NSF: variants seen among roughly 807,000 people sequenced by gnomAD.
The protein encoded by NSF is N-ethylmaleimide sensitive factor, vesicle fusing ATPase.
Under a neutral mutation model 50.3 loss-of-function variants are expected in NSF, and 14 were observed. That is an observed-to-expected ratio of 0.28 (90% CI 0.18 to 0.44). NSF has a LOEUF of 0.44. Ranked by LOEUF, NSF falls within the 20% of genes least tolerant of loss-of-function variation. The probability of loss-of-function intolerance (pLI) is 1.00; values close to 1 mark genes in which losing one functional copy is unlikely to be tolerated. For missense variants in NSF, 218 were observed against 504.3 expected (o/e 0.43, Z 5.44); for synonymous variants, 109 against 175.7 (o/e 0.62, Z 3.00).
intron 16 of NSF, 53 bp from the exon 17 acceptor site, chr17:46,728,802 G>T (rs1387881676): frequency 3.3e-5 from 35 of 1,062,286 alleles, no homozygotes; most frequent in Non-Finnish European, 3.6e-5. Flanking sequence ...CTGAATGTTT[G>T]GAATATGTAC....
At chr17:46,724,552 T>C (rs1003105143) in intron 15 of NSF, among the ~76,000 whole-genome samples, 1 of 152,184 alleles carries the variant, frequency 6.6e-6, no homozygotes, top group Admixed American at 6.5e-5. Context: ...CCCATAGTTA[T>C]GCCTAACTTC....
chr17:46,707,335 A>T (rs2146252842), intron 13 of NSF, among the ~76,000 whole-genome samples: 1 of 152,316 alleles, frequency 6.6e-6, no homozygotes, highest in African/African-American at 2.4e-5. Flanking sequence ...TTTGATTGAT[A>T]CAAGTTCTTT....
At chr17:46,696,411 G>T (rs2058595484) in intron 12 of NSF, among the ~76,000 whole-genome samples, 1 of 140,638 alleles carries the variant, frequency 7.1e-6, no homozygotes, top group Non-Finnish European at 1.5e-5. Context: ...GCAAGAGAGT[G>T]AACTCATGTC....
chr17:46,757,268 G>C lies in NSF; in HGVS notation c.*1445G>C, dbSNP rs959893401. 1.3e-5 allele frequency: 2 copies of C among 152,526 alleles called. No individual in the cohort carries two copies. The highest frequency in any genetic ancestry group is 6.5e-5 in the Admixed American group (1 of 15,286). 9.4% of individuals were successfully genotyped at this position (152,526 alleles called of 1,614,324 possible). On this transcript the variant is annotated 3_prime_UTR_variant, in exon 21 of 21. Coordinates refer to ENST00000398238, the MANE Select transcript of NSF (RefSeq NM_006178.4). Reference sequence around the variant, plus strand: ...GAAGTGGATTGTATTGTGAGATCCTGTGATTCCTGGTGGCCAGTATCCTGG... The same window carrying C: ...GAAGTGGATTGTATTGTGAGATCCTCTGATTCCTGGTGGCCAGTATCCTGG...
intron 19 of NSF, among the ~76,000 whole-genome samples, chr17:46,753,432 A>G (rs1353450706): frequency 1.3e-5 from 2 of 152,202 alleles, no homozygotes; most frequent in Non-Finnish European, 2.9e-5. Flanking sequence ...CAGATGGACT[A>G]TTTTTAAGTC....
At chr17:46,722,273 T>A in intron 15 of NSF, 1 of 930,912 alleles carries the variant, frequency 1.1e-6, no homozygotes, top group Non-Finnish European at 1.7e-6. Flanking sequence ...GGGGGGAGTC[T>A]GTAAGATACG....
chr17:46,625,303 A>G (rs1228436915), intron 2 of NSF, among the ~76,000 whole-genome samples: 1 of 116,902 alleles, frequency 8.6e-6, no homozygotes, highest in African/African-American at 3.6e-5. Context: ...TGCCATCCAT[A>G]TGCTTCTGAG....
intron 1 of NSF, among the ~76,000 whole-genome samples, chr17:46,605,780 A>G (rs558876165): frequency 9.9e-4 from 74 of 74,398 alleles, no homozygotes; most frequent in Admixed American, 5.0e-3. Context: ...TGAAGAGTAA[A>G]GAATAATGGT....
intron 17 of NSF, among the ~76,000 whole-genome samples, chr17:46,729,538 G>A (rs1387025314): frequency 7.7e-5 from 1 of 13,050 alleles, no homozygotes; most frequent in African/African-American, 1.3e-4. Context: ...ACCTATGAAG[G>A]TTGGTTAAAT....
chr17:46,752,540 T>C lies in NSF; in HGVS notation c.2157+924T>C, dbSNP rs575408654. On this transcript the variant is annotated intron_variant, in intron 19 of 20. Coordinates refer to ENST00000398238, the MANE Select transcript of NSF (RefSeq NM_006178.4). ...CCATGATCATGGCTTACTGCAGTTT[T>C]GACCTCGCAGGCTCAGGCGTTCCTC... Among the ~76,000 whole-genome samples, 9 of 152,274 alleles carry C rather than the reference T, an allele frequency of 5.9e-5. No individual in the cohort carries two copies. The East Asian group carries it at 1.5e-3, about 26-fold the overall frequency.
At chr17:46,735,443 C>T (rs1359560650) in intron 17 of NSF, among the ~76,000 whole-genome samples, 2 of 151,274 alleles carry the variant, frequency 1.3e-5, no homozygotes, top group African/African-American at 4.9e-5. Flanking sequence ...GTAGAACTTA[C>T]TCTTTGTATT....
At chr17:46,739,314 C>T (rs1033774935) in intron 17 of NSF, among the ~76,000 whole-genome samples, 9 of 137,646 alleles carry the variant, frequency 6.5e-5, no homozygotes, top group Admixed American at 2.5e-4. Context: ...GAGGTTGCAG[C>T]GAGCCGAGAT....
At chr17:46,662,618 ACTT>A (rs2146190404) in intron 8 of NSF, among the ~76,000 whole-genome samples, 1 of 133,136 alleles carries the variant, frequency 7.5e-6, no homozygotes, top group South Asian at 2.3e-4. Context: ...GCATGATACT[ACTT>A]CTTTATGAAC....
chr17:46,712,616 G>A (rs1363788106), intron 14 of NSF, among the ~76,000 whole-genome samples: 1 of 152,228 alleles, frequency 6.6e-6, no homozygotes, highest in Non-Finnish European at 1.5e-5. Context: ...TGTTGGATAT[G>A]TGGGTCTGGC....
chr17:46,742,473 T>C (rs755462237), intron 17 of NSF, among the ~76,000 whole-genome samples: 15 of 152,238 alleles, frequency 9.9e-5, no homozygotes, highest in Non-Finnish European at 2.1e-4. Flanking sequence ...ACTTAAGTCC[T>C]GTCCTGATGA....
At chr17:46,707,905 C>T (rs1443111607) in intron 13 of NSF, among the ~76,000 whole-genome samples, 2 of 152,028 alleles carry the variant, frequency 1.3e-5, no homozygotes, top group South Asian at 4.2e-4. Flanking sequence ...TGGTGGCACA[C>T]ACCTGTAATC....
At chr17:46,740,048 C>T (rs1222167275) in intron 17 of NSF, among the ~76,000 whole-genome samples, 1 of 152,148 alleles carries the variant, frequency 6.6e-6, no homozygotes, top group African/African-American at 2.4e-5. Flanking sequence ...AGGCCCTGGG[C>T]ACTGTGTCTA....
At chr17:46,711,814 CCA>C (rs2058722410) in intron 14 of NSF, among the ~76,000 whole-genome samples, 1 of 152,116 alleles carries the variant, frequency 6.6e-6, no homozygotes, top group Non-Finnish European at 1.5e-5. Flanking sequence ...CATGACTTGA[CCA>C]ATGAGGAGAC....
At chr17:46,685,111 C>A in intron 9 of NSF, among the ~76,000 whole-genome samples, 1 of 134,562 alleles carries the variant, frequency 7.4e-6, no homozygotes, top group Non-Finnish European at 1.6e-5. Context: ...GAGATTGGGT[C>A]TAACGGACCC....
Sources: allele counts gnomAD v4.1 joint callset (sites outside exome capture counted in the v4.1 genomes callset), GRCh38; gene constraint gnomAD v4.1.1; transcripts MANE v1.5; gene names NCBI Gene and HGNC (gene_info 2026-07-23, HGNC 2026-07-21).